CEP128: variants seen among roughly 807,000 people sequenced by gnomAD.
The protein encoded by CEP128 is centrosomal protein 128.
In CEP128, 132 loss-of-function variants were observed where a neutral mutation model predicts 156.7. The observed-to-expected ratio is 0.84, with a 90% CI of 0.73 to 0.97. CEP128 has a LOEUF of 0.97. Among genes scored for constraint, CEP128 ranks in the 50% least tolerant of loss-of-function variants. The pLI, the probability that CEP128 is intolerant of heterozygous loss-of-function variation, is 0.00. For synonymous variants in CEP128, 469 were observed against 448.9 expected (o/e 1.04, Z -0.57); for missense variants, 1,252 against 1,281.9 (o/e 0.98, Z 0.36).
chr14:80,850,964 T>C (rs571218319), intron 9 of CEP128, among the ~76,000 whole-genome samples: 18 of 152,318 alleles, frequency 1.2e-4, no homozygotes, highest in African/African-American at 4.1e-4. Context: ...ATTTTGAATA[T>C]ATCATTGTAA....
chr14:80,946,588 T>A (rs1594878259), upstream of CEP128, among the ~76,000 whole-genome samples: 4 of 151,904 alleles, frequency 2.6e-5, 1 homozygote, highest in Admixed American at 2.6e-4. Context: ...AATAAAAAGG[T>A]TCTGGAATGG....
intron 8 of CEP128, chr14:80,894,511 G>T: frequency 4.8e-6 from 2 of 414,792 alleles, no homozygotes; most frequent in Admixed American, 3.1e-5. Flanking sequence ...TAAATTGAAG[G>T]TGCCCTTGGT....
At chr14:80,596,476 A>G (rs1008003093) in intron 19 of CEP128, among the ~76,000 whole-genome samples, 2 of 152,128 alleles carry the variant, frequency 1.3e-5, no homozygotes, top group East Asian at 3.9e-4. Flanking sequence ...AGTCAAAGAA[A>G]AGTTCTCAAG....
At chr14:80,741,370 CT>C (rs1257076745) in intron 19 of CEP128, among the ~76,000 whole-genome samples, 1 of 152,112 alleles carries the variant, frequency 6.6e-6, no homozygotes, top group Non-Finnish European at 1.5e-5. Context: ...TTACTCTTGT[CT>C]TTGTTACCCC....
chr14:80,774,361 T>C (rs971218336), intron 16 of CEP128, among the ~76,000 whole-genome samples: 11 of 152,238 alleles, frequency 7.2e-5, no homozygotes, highest in Admixed American at 7.2e-4. Flanking sequence ...CATGCAAAAA[T>C]ACCACCTTGT....
intron 7 of CEP128, among the ~76,000 whole-genome samples, chr14:80,897,965 A>G (rs1595562896): frequency 6.6e-6 from 1 of 152,258 alleles, no homozygotes; most frequent in East Asian, 1.9e-4. Context: ...TTTTTAGTAG[A>G]GATGGGGTTT....
At chr14:80,576,298 T>G (rs1891352243) in intron 20 of CEP128, among the ~76,000 whole-genome samples, 1 of 152,170 alleles carries the variant, frequency 6.6e-6, no homozygotes. Context: ...TTTGCTTGTT[T>G]CAATGTATCT....
At chr14:80,872,336 TC>T (rs1888070264) in intron 8 of CEP128, among the ~76,000 whole-genome samples, 1 of 152,150 alleles carries the variant, frequency 6.6e-6, no homozygotes, top group South Asian at 2.1e-4. Flanking sequence ...CAATAACTCT[TC>T]CCTTCCAATG....
intron 14 of CEP128, among the ~76,000 whole-genome samples, chr14:80,482,826 T>C (rs1887083107): frequency 6.6e-6 from 1 of 152,192 alleles, no homozygotes; most frequent in Non-Finnish European, 1.5e-5. Flanking sequence ...AAGTACACAA[T>C]TCTAAGTGAT....
intron 8 of CEP128, among the ~76,000 whole-genome samples, chr14:80,885,464 G>A (rs974019532): frequency 1.3e-5 from 2 of 152,174 alleles, no homozygotes; most frequent in African/African-American, 4.8e-5. Flanking sequence ...TGCAGCCTCT[G>A]CTGGTGATAC....
intron 13 of CEP128, among the ~76,000 whole-genome samples, chr14:80,807,553 C>G (rs1884250565): frequency 6.6e-6 from 1 of 152,110 alleles, no homozygotes; most frequent in South Asian, 2.1e-4. Context: ...AGCTGAAGAC[C>G]CAGCGGGGCT....
At chr14:80,878,938 G>A (rs948624043) in intron 8 of CEP128, among the ~76,000 whole-genome samples, 77 of 152,180 alleles carry the variant, frequency 5.1e-4, no homozygotes, top group Admixed American at 5.0e-3. Context: ...CTTCAAGAGA[G>A]ATCCTCTCAG....
chr14:80,487,257 T>C (rs113232275), downstream of CEP128, among the ~76,000 whole-genome samples: 3 of 151,498 alleles, frequency 2.0e-5, no homozygotes, highest in African/African-American at 7.3e-5. Context: ...TTTAAACCAA[T>C]AAAGATCAAA....
chr14:80,897,182 T>C (rs1313468925), intron 7 of CEP128, among the ~76,000 whole-genome samples: 1 of 152,172 alleles, frequency 6.6e-6, no homozygotes, highest in Non-Finnish European at 1.5e-5. Context: ...ACAACACCCA[T>C]AAATATTAGA....
At chr14:80,622,947 T>C (rs1893549759) in intron 19 of CEP128, among the ~76,000 whole-genome samples, 1 of 152,006 alleles carries the variant, frequency 6.6e-6, no homozygotes, top group Non-Finnish European at 1.5e-5. Context: ...GACCCAGCCA[T>C]CCCATTGCTG....
intron 19 of CEP128, among the ~76,000 whole-genome samples, chr14:80,617,707 C>T (rs8017609): frequency 0.13 from 20,415 of 152,102 alleles, 1,484 homozygotes; most frequent in South Asian, 0.25. Flanking sequence ...CTGGGGAGAC[C>T]GAGGCGGATG....
chr14:80,647,054 T>TGC (rs1894678421), intron 19 of CEP128, among the ~76,000 whole-genome samples: 5 of 6,940 alleles, frequency 7.2e-4, no homozygotes, highest in Admixed American at 3.2e-3. Flanking sequence ...TATATATATA[T>TGC]ATATATATAT....
chr14:80,825,256 T>C (rs1885410235), intron 13 of CEP128, among the ~76,000 whole-genome samples: 1 of 152,322 alleles, frequency 6.6e-6, no homozygotes, highest in South Asian at 2.1e-4. Context: ...TAGAGGCACA[T>C]GCTACCACAC....
intron 19 of CEP128, among the ~76,000 whole-genome samples, chr14:80,633,706 C>T (rs527605862): frequency 1.3e-5 from 2 of 152,312 alleles, no homozygotes; most frequent in African/African-American, 4.8e-5. Context: ...GGGGATCAGA[C>T]TTATCTCATT....
Sources: allele counts gnomAD v4.1 joint callset (sites outside exome capture counted in the v4.1 genomes callset), GRCh38; gene constraint gnomAD v4.1.1; transcripts MANE v1.5; gene names NCBI Gene and HGNC (gene_info 2026-07-23, HGNC 2026-07-21).